TMEM242: variants seen among roughly 807,000 people sequenced by gnomAD.
TMEM242 encodes transmembrane protein 242, also known as UPF0463 transmembrane protein C6orf35.
A neutral mutation model predicts 18.2 loss-of-function variants in TMEM242; 10 were observed. The ratio of observed to expected loss-of-function variants is 0.55; its 90% CI spans 0.34 to 0.93. The LOEUF (loss-of-function observed/expected upper bound fraction) is 0.93, where lower values mean the gene tolerates loss of function less well. TMEM242 is among the 40% of genes least tolerant of loss of function. The pLI, the probability that TMEM242 is intolerant of heterozygous loss-of-function variation, is 0.02. For missense variants in TMEM242, 186 were observed against 175.5 expected, an observed-to-expected ratio of 1.06 and a Z score of -0.34; for synonymous variants, 57 against 69.9, an observed-to-expected ratio of 0.81 and a Z score of 0.92.
intron 3 of TMEM242, chr6:157,318,104 T>G (rs975556372): frequency 6.6e-6 from 1 of 152,242 alleles, no homozygotes; most frequent in South Asian, 2.1e-4. Context: ...AATAACACAT[T>G]AGTAATTTAA....
intron 3 of TMEM242, among the ~76,000 whole-genome samples, chr6:157,294,494 G>C (rs1417630623): frequency 1.3e-5 from 2 of 150,244 alleles, no homozygotes; most frequent in Admixed American, 1.3e-4. Flanking sequence ...GGGACTACAG[G>C]CGCCCGCCAC....
chr6:157,319,643 A>G (rs1398812046), intron 2 of TMEM242, among the ~76,000 whole-genome samples: 1 of 152,256 alleles, frequency 6.6e-6, no homozygotes, highest in Non-Finnish European at 1.5e-5. Flanking sequence ...ACAGGACATT[A>G]AAAGGATAAC....
At position 157,305,799 on chromosome 6, in the gene TMEM242, G is replaced by C. The variant is rs782769250; in HGVS notation, c.328-12800C>G. ...TGTTGCTGGGAGGGCAAGTAACAGA[G>C]GATAAAGTAAGATCTGGCAACAAGG... On this transcript the variant is annotated intron_variant, in intron 3 of 3. Transcript: ENST00000400788. The surrounding 1 kb of genome is among the most constrained non-coding windows in gnomAD (Gnocchi z 4.1). Among the ~76,000 whole-genome samples, 6 of 152,268 alleles carry C rather than the reference G, an allele frequency of 3.9e-5. No individual in the cohort carries two copies. The highest frequency in any genetic ancestry group is 2.1e-4 in the South Asian group (1 of 4,818).
chr6:157,315,065 CTT>C (rs1284430815), intron 3 of TMEM242, among the ~76,000 whole-genome samples: 2 of 152,202 alleles, frequency 1.3e-5, no homozygotes, highest in Non-Finnish European at 2.9e-5. Context: ...AGTGCATAGA[CTT>C]GGACCATTTC....
At chr6:157,304,735 T>C (rs587662768) in intron 3 of TMEM242, among the ~76,000 whole-genome samples, 200 of 151,958 alleles carry the variant, frequency 1.3e-3, no homozygotes, top group Middle Eastern at 3.4e-3. Flanking sequence ...GAAAAGAAAA[T>C]AGGATAATTT....
intron 3 of TMEM242, among the ~76,000 whole-genome samples, chr6:157,301,261 C>T (rs995546418): frequency 2.0e-5 from 3 of 152,130 alleles, no homozygotes; most frequent in South Asian, 2.1e-4. Flanking sequence ...AAAAGATTTC[C>T]GCTTTAGAAT....
chr6:157,319,963 A>C (rs1778466207), intron 2 of TMEM242, among the ~76,000 whole-genome samples: 2 of 152,328 alleles, frequency 1.3e-5, no homozygotes, highest in South Asian at 4.1e-4. Context: ...TCAAGCCCGC[A>C]GAAGAACAGC....
rs1777673064 is a variant in TMEM242, at chr6:157,290,680, G to A, written c.*2221C>T. 6.6e-6 allele frequency: 1 copy of A among 152,306 alleles called. No individual in the cohort carries two copies. The highest frequency in any genetic ancestry group is 1.5e-5 in the Non-Finnish European group (1 of 68,034). The allele number at this position is 152,306 out of a possible 1,614,324, so 9.4% of individuals were successfully genotyped here. A position where few individuals can be genotyped will look rare whatever the true frequency, so the allele number is the denominator to read the frequency against. On this transcript the variant is annotated 3_prime_UTR_variant, in exon 4 of 4. Transcript: ENST00000400788. ...CTACTGATATTCAAGTTCTGACTGT[G>A]AAAAACACCACTTGAGTCATACTGC...
intron 3 of TMEM242, among the ~76,000 whole-genome samples, chr6:157,314,037 G>T (rs587651412): frequency 3.1e-4 from 2 of 6,458 alleles, no homozygotes; most frequent in African/African-American, 4.7e-4. Context: ...CACTCACCCG[G>T]CCTCGTCATA....
rs201615292 is a variant in TMEM242 at position 157,312,727 on chromosome 6, T to G, written c.327+6055A>C. 1.3e-3 allele frequency among the ~76,000 whole-genome samples: 179 copies of G among 142,642 alleles called. 1 individual carries two copies. The highest frequency in any genetic ancestry group is 4.3e-3 in the African/African-American group (163 of 37,588). 93.6% of individuals were successfully genotyped at this position (142,642 alleles called of 152,430 possible). On this transcript the variant is annotated intron_variant, in intron 3 of 3. Transcript: ENST00000400788. ...GTGCGCTCACCTGGCCTCATCTTAC[T>G]GTCCCAGTGTGCGCTCACCTGGCCT...
chr6:157,320,296 A>G (rs974790056), intron 2 of TMEM242, among the ~76,000 whole-genome samples: 3 of 152,182 alleles, frequency 2.0e-5, no homozygotes, highest in African/African-American at 7.2e-5. Context: ...AGTGGGTTGT[A>G]TTTATCAATA....
At chr6:157,313,168 G>A (rs1554249646) in intron 3 of TMEM242, among the ~76,000 whole-genome samples, 1 of 144,014 alleles carries the variant, frequency 6.9e-6, no homozygotes, top group Non-Finnish European at 1.5e-5. Context: ...CCTCATCATA[G>A]TGTCCCACTG....
At chr6:157,309,142 G>A (rs1777957445) in intron 3 of TMEM242, among the ~76,000 whole-genome samples, 1 of 152,128 alleles carries the variant, frequency 6.6e-6, no homozygotes, top group Non-Finnish European at 1.5e-5. Flanking sequence ...AGATTGCAGA[G>A]TAGCAGGCAG....
chr6:157,310,463 A>G (rs1777992205), intron 3 of TMEM242, among the ~76,000 whole-genome samples: 1 of 151,928 alleles, frequency 6.6e-6, no homozygotes, highest in African/African-American at 2.4e-5. Flanking sequence ...GCCTCATCAC[A>G]GTGCCCCAGT....
At chr6:157,314,584 G>A (rs1361549760) in intron 3 of TMEM242, among the ~76,000 whole-genome samples, 1 of 152,200 alleles carries the variant, frequency 6.6e-6, no homozygotes, top group East Asian at 1.9e-4. Flanking sequence ...GGTAGATACT[G>A]AACTGGCACT....
At chr6:157,293,144 A>C in intron 3 of TMEM242, 145 bp from the exon 4 acceptor site, 2 of 574,106 alleles carry the variant, frequency 3.5e-6, no homozygotes, top group Admixed American at 3.0e-5. Context: ...GGGACTATAT[A>C]TATCCTAGGT....
chr6:157,313,943 A>T (rs1554249992), intron 3 of TMEM242, among the ~76,000 whole-genome samples: 3 of 141,442 alleles, frequency 2.1e-5, no homozygotes, highest in Non-Finnish European at 3.2e-5. Flanking sequence ...ACCTGGCCTC[A>T]TCACAGTGTC....
intron 3 of TMEM242, among the ~76,000 whole-genome samples, chr6:157,301,376 G>A (rs1434338293): frequency 1.3e-5 from 2 of 151,950 alleles, no homozygotes; most frequent in Non-Finnish European, 2.9e-5. Flanking sequence ...CAATGGCATG[G>A]TCTCAGCTCA....
chr6:157,314,376 G>T (rs1778344990), intron 3 of TMEM242, among the ~76,000 whole-genome samples: 1 of 1,032 alleles, frequency 9.7e-4, no homozygotes, highest in Non-Finnish European at 2.2e-3. Context: ...GCATTCCCAT[G>T]ATCATGTACA....
Sources: allele counts gnomAD v4.1 joint callset (sites outside exome capture counted in the v4.1 genomes callset), GRCh38; gene constraint gnomAD v4.1.1; non-coding constraint Gnocchi (gnomAD v3.1); transcripts MANE v1.5; gene names NCBI Gene and HGNC (gene_info 2026-07-23, HGNC 2026-07-21).